The following CSMD2 variants were observed in gnomAD, a reference collection of about 807,000 sequenced individuals.
CSMD2 encodes CUB and sushi domain-containing protein 2.
A neutral mutation model predicts 398.5 loss-of-function variants in CSMD2; 130 were observed. The ratio of observed to expected loss-of-function variants is 0.33; its 90% CI spans 0.28 to 0.38. CSMD2 has a LOEUF of 0.38. Among genes scored for constraint, CSMD2 ranks in the 10% least tolerant of loss-of-function variants. CSMD2 has a pLI of 1.00. For missense variants in CSMD2, 3,829 were observed against 4,764.9 expected, an observed-to-expected ratio of 0.80 and a Z score of 5.78; for synonymous variants, 1,828 against 1,908.5, an observed-to-expected ratio of 0.96 and a Z score of 1.10.
chr1:33,971,256 G>C (rs569237025), intron 3 of CSMD2, among the ~76,000 whole-genome samples: 104 of 152,312 alleles, frequency 6.8e-4, no homozygotes, highest in African/African-American at 2.5e-3. Flanking sequence ...GGCCCCACCT[G>C]GGCCACATTA....
chr1:34,008,423 A>G (rs1436467484), intron 3 of CSMD2, among the ~76,000 whole-genome samples: 2 of 152,220 alleles, frequency 1.3e-5, no homozygotes, highest in African/African-American at 4.8e-5. Flanking sequence ...TTCTTCTCAT[A>G]CAAAGTACTG....
At chr1:33,594,933 G>T (rs935259558) in intron 44 of CSMD2, among the ~76,000 whole-genome samples, 6 of 152,174 alleles carry the variant, frequency 3.9e-5, no homozygotes. Context: ...TCCATGAACC[G>T]TTTGCAAGTA....
chr1:33,981,584 A>G (rs995215134), intron 3 of CSMD2, among the ~76,000 whole-genome samples: 6 of 152,228 alleles, frequency 3.9e-5, no homozygotes, highest in African/African-American at 9.6e-5. Context: ...GTCCTACTCT[A>G]TATCTGGCCC....
intron 53 of CSMD2, among the ~76,000 whole-genome samples, chr1:33,561,262 A>T (rs750178937): frequency 6.6e-6 from 1 of 152,116 alleles, no homozygotes; most frequent in Admixed American, 6.5e-5. Flanking sequence ...AGCAGGGGAC[A>T]TGCTGTTAGT....
At chr1:34,035,505 C>A (rs971367982) in intron 2 of CSMD2, among the ~76,000 whole-genome samples, 1 of 151,936 alleles carries the variant, frequency 6.6e-6, no homozygotes, top group Non-Finnish European at 1.5e-5. Context: ...ATTTTTACAC[C>A]ATAACCAAGT....
intron 5 of CSMD2, among the ~76,000 whole-genome samples, chr1:33,867,369 C>G (rs1108928): frequency 0.46 from 69,703 of 152,082 alleles, 17,085 homozygotes; most frequent in East Asian, 0.6. Flanking sequence ...GAATCCTTCC[C>G]CAGTCAAGCC....
intron 6 of CSMD2, among the ~76,000 whole-genome samples, chr1:33,836,669 G>C (rs1245379888): frequency 6.6e-6 from 1 of 152,194 alleles, no homozygotes; most frequent in Non-Finnish European, 1.5e-5. Context: ...AGCCATGCGT[G>C]GGATATAATC....
chr1:33,875,014 C>G (rs1640740821), intron 5 of CSMD2, among the ~76,000 whole-genome samples: 1 of 152,180 alleles, frequency 6.6e-6, no homozygotes, highest in Non-Finnish European at 1.5e-5. Context: ...TGCAAAGTAT[C>G]TACTCTGCCA....
intron 1 of CSMD2, among the ~76,000 whole-genome samples, chr1:34,123,132 C>G (rs1303453195): frequency 1.3e-5 from 2 of 152,130 alleles, no homozygotes; most frequent in Admixed American, 6.5e-5. Flanking sequence ...CAAAGTGGGG[C>G]TGATCACTGG....
intron 12 of CSMD2, among the ~76,000 whole-genome samples, chr1:33,775,024 TAGG>T (rs1235133319): frequency 2.6e-5 from 4 of 152,162 alleles, no homozygotes; most frequent in Non-Finnish European, 1.5e-5. Flanking sequence ...TGGATGCACA[TAGG>T]AGAAGCACCT....
chr1:33,811,218 C>T (rs779802325), intron 9 of CSMD2, among the ~76,000 whole-genome samples: 1 of 152,080 alleles, frequency 6.6e-6, no homozygotes, highest in Non-Finnish European at 1.5e-5. Context: ...CTAGGTGGAT[C>T]GCAGGCACCT....
At chr1:33,589,906 TTAAG>T (rs1165887308) in intron 44 of CSMD2, among the ~76,000 whole-genome samples, 1 of 152,228 alleles carries the variant, frequency 6.6e-6, no homozygotes, top group Non-Finnish European at 1.5e-5. Context: ...TGTAGAAGTA[TTAAG>T]TTTTTATGTA....
intron 25 of CSMD2, among the ~76,000 whole-genome samples, chr1:33,670,197 G>T (rs1052965599): frequency 6.6e-6 from 1 of 152,152 alleles, no homozygotes; most frequent in Non-Finnish European, 1.5e-5. Context: ...TCCCTCTACA[G>T]GCTCCTGCTC....
chr1:33,917,164 G>A (rs908659553), intron 5 of CSMD2, among the ~76,000 whole-genome samples: 7 of 152,102 alleles, frequency 4.6e-5, no homozygotes, highest in East Asian at 1.9e-4. Context: ...TTCCCACTGC[G>A]GCACCCCCTG....
intron 12 of CSMD2, among the ~76,000 whole-genome samples, chr1:33,782,921 T>G (rs1300006280): frequency 1.3e-5 from 2 of 152,132 alleles, no homozygotes; most frequent in Non-Finnish European, 2.9e-5. Context: ...ATTTGGATTC[T>G]GGGAAGATCA....
At chr1:34,058,142 C>T (rs12043450) in intron 2 of CSMD2, among the ~76,000 whole-genome samples, 16,660 of 152,126 alleles carry the variant, frequency 0.11, 1,423 homozygotes, top group East Asian at 0.34. Context: ...CTGGGAGAAA[C>T]AGGGTCCCAG....
chr1:34,154,871 G>A (rs1248030443), intron 1 of CSMD2, among the ~76,000 whole-genome samples: 1 of 151,944 alleles, frequency 6.6e-6, no homozygotes. Context: ...GGGATTACAG[G>A]TGCACACCAC....
At position 33,790,572 on chromosome 1, in the gene CSMD2, C is replaced by A. The variant is rs145198716; in HGVS notation, c.1550+1851G>T. Among the ~76,000 whole-genome samples, 36 of 152,298 alleles carry A rather than the reference C, an allele frequency of 2.4e-4. No homozygotes were observed. The East Asian group carries it at 5.4e-3, about 23-fold the overall frequency. ...ATCCTGGGTTTCTAGCTTCTTAACT[C>A]ACCTGGAAGATCTTGGGACCTGTCA... On this transcript the variant is annotated intron_variant, in intron 11 of 70. Coordinates refer to ENST00000373381, the MANE Select transcript of CSMD2 (RefSeq NM_001281956.2).
intron 42 of CSMD2, 41 bp from the exon 43 acceptor site, chr1:33,602,587 T>C (rs2148810997): frequency 1.3e-6 from 2 of 1,481,874 alleles, no homozygotes; most frequent in Non-Finnish European, 1.8e-6. Flanking sequence ...AGGGCCTCGG[T>C]ACCCACCTGA....
Sources: gnomAD v4.1 joint callset for allele counts (sites outside exome capture counted in the v4.1 genomes callset) on GRCh38, gnomAD v4.1.1 for gene constraint, MANE v1.5 for transcripts, NCBI Gene and HGNC (gene_info 2026-07-23, HGNC 2026-07-21) for gene names.